Variants in GPHN observed in about 807,000 individuals in gnomAD.
The protein encoded by GPHN is gephyrin.
Under a neutral mutation model 95.5 loss-of-function variants are expected in GPHN, and 17 were observed. The ratio of observed to expected loss-of-function variants is 0.18; its 90% CI spans 0.12 to 0.27. GPHN has a LOEUF of 0.27. Ranked by LOEUF, GPHN falls within the 10% of genes least tolerant of loss-of-function variation. GPHN has a pLI of 1.00. For missense variants in GPHN, 660 were observed against 978.1 expected (o/e 0.67, Z 4.34); for synonymous variants, 320 against 322.5 (o/e 0.99, Z 0.08).
At chr14:66,868,103 TAAC>T (rs1461152784) in intron 4 of GPHN, among the ~76,000 whole-genome samples, 1 of 152,136 alleles carries the variant, frequency 6.6e-6, no homozygotes, top group African/African-American at 2.4e-5. Context: ...TTTGATAACT[TAAC>T]AAAGTTATTA....
chr14:66,978,302 A>G (rs937142154), intron 9 of GPHN, among the ~76,000 whole-genome samples: 4 of 152,174 alleles, frequency 2.6e-5, no homozygotes, highest in Admixed American at 2.0e-4. Flanking sequence ...TCCTTTCACA[A>G]GAGATTTTGC....
Position 66,797,021 on chromosome 14 carries a change from CTTTTTTT to C in GPHN, c.201+20515_201+20521del, listed in dbSNP as rs369681377. Among the ~76,000 whole-genome samples the C allele has an allele frequency of 4.3e-4, 35 of 81,216 alleles. 1 individual carries two copies. The highest frequency in any genetic ancestry group is 2.4e-3 in the Admixed American group (20 of 8,260). The allele number at this position is 81,216 out of a possible 152,430, so 53.3% of individuals were successfully genotyped here. A position where few individuals can be genotyped will look rare whatever the true frequency, so the allele number is the denominator to read the frequency against. ...ATGGTGAGACATAGGTATCTAGTTCCTTTTTTTTTTTTTTTTTTTTTGCATAATGGAT... is the reference window on the plus strand; with the variant it reads ...ATGGTGAGACATAGGTATCTAGTTCCTTTTTTTTTTTTTTGCATAATGGAT... On this transcript the variant is annotated intron_variant, in intron 3 of 22. Coordinates refer to ENST00000478722, the MANE Select transcript of GPHN (RefSeq NM_020806.5).
At chr14:67,706,856 G>C in the GPHN span, among the ~76,000 whole-genome samples, 1 of 152,110 alleles carries the variant, frequency 6.6e-6, no homozygotes, top group African/African-American at 2.4e-5. Context: ...GGTTAGGATG[G>C]TTCGTTCCTA....
intron 1 of GPHN, among the ~76,000 whole-genome samples, chr14:66,510,556 T>G (rs1242657294): frequency 6.6e-6 from 1 of 152,202 alleles, no homozygotes; most frequent in African/African-American, 2.4e-5. Flanking sequence ...GTAATTATTG[T>G]GCAAAACTTT....
At chr14:66,719,055 C>A (rs761372363) in intron 2 of GPHN, among the ~76,000 whole-genome samples, 1 of 152,192 alleles carries the variant, frequency 6.6e-6, no homozygotes, top group Non-Finnish European at 1.5e-5. Context: ...TCCCACCATG[C>A]CCCTGCTAGC....
the GPHN span, among the ~76,000 whole-genome samples, chr14:67,358,064 G>A: frequency 6.6e-6 from 1 of 151,834 alleles, no homozygotes; most frequent in Non-Finnish European, 1.5e-5. Context: ...TCTCCCCCTA[G>A]CTTTGAGCTT....
the GPHN span, chr14:67,572,400 G>A: frequency 4.4e-6 from 3 of 674,470 alleles, no homozygotes; most frequent in Non-Finnish European, 7.0e-6. Flanking sequence ...TGGGGGATGG[G>A]GGCAGGGGGC....
At chr14:66,647,241 A>G (rs1334118136) in intron 1 of GPHN, among the ~76,000 whole-genome samples, 1 of 150,860 alleles carries the variant, frequency 6.6e-6, no homozygotes, top group Non-Finnish European at 1.5e-5. Context: ...AATAAATTGT[A>G]TAGGTAGAAT....
chr14:66,775,738 A>G (rs2059357757), intron 2 of GPHN, among the ~76,000 whole-genome samples: 2 of 152,346 alleles, frequency 1.3e-5, no homozygotes, highest in East Asian at 3.9e-4. Flanking sequence ...CAGTTGGCAC[A>G]TGATCTTATA....
chr14:66,722,889 GTCCTGTTCTT>G (rs2070885669), intron 2 of GPHN, among the ~76,000 whole-genome samples: 3 of 152,068 alleles, frequency 2.0e-5, no homozygotes, highest in Non-Finnish European at 2.9e-5. Context: ...TTCAGTTTTT[GTCCTGTTCTT>G]TTTTCTCTTT....
At chr14:67,257,056 G>A in the GPHN span, among the ~76,000 whole-genome samples, 1 of 152,088 alleles carries the variant, frequency 6.6e-6, no homozygotes, top group Non-Finnish European at 1.5e-5. Flanking sequence ...ACATCAATAT[G>A]TACGTTGGTT....
At chr14:66,860,931 A>G (rs2062998152) in intron 4 of GPHN, among the ~76,000 whole-genome samples, 1 of 152,104 alleles carries the variant, frequency 6.6e-6, no homozygotes, top group Non-Finnish European at 1.5e-5. Flanking sequence ...CACCAGAGAA[A>G]ATCACTTCCA....
chr14:67,328,312 C>T, the GPHN span, among the ~76,000 whole-genome samples: 2 of 152,266 alleles, frequency 1.3e-5, no homozygotes, highest in Admixed American at 6.5e-5. Context: ...ATCCTTTGCC[C>T]ACTTTTTGAT....
the GPHN span, chr14:67,579,366 A>T: frequency 2.4e-4 from 325 of 1,359,158 alleles, 1 homozygote; most frequent in African/African-American, 4.6e-3. Context: ...CCATCCAGAG[A>T]ATACCCCTGG....
the GPHN span, chr14:67,542,070 A>T: frequency 1.5e-6 from 2 of 1,330,600 alleles, no homozygotes; most frequent in South Asian, 2.9e-5. Flanking sequence ...AGAGAGGGAG[A>T]GTTGCGGAAA....
At chr14:66,664,328 A>C (rs2065827188) in intron 1 of GPHN, among the ~76,000 whole-genome samples, 1 of 152,202 alleles carries the variant, frequency 6.6e-6, no homozygotes, top group South Asian at 2.1e-4. Context: ...AGTCTGAAGA[A>C]ATTCACTCAA....
At position 66,515,307 on chromosome 14, in the gene GPHN, A is replaced by G. The variant is rs74245900; in HGVS notation, c.64+6716A>G. ...AAAAATTGGGTGGTGTAAAATTTAT[A>G]TAGTACCTTAAGAAACATTTAGGTA... is the stretch of plus-strand genomic sequence containing the variant. On this transcript the variant is annotated intron_variant, in intron 1 of 22. Coordinates refer to ENST00000478722, the MANE Select transcript of GPHN (RefSeq NM_020806.5). 0.043 allele frequency among the ~76,000 whole-genome samples: 6,527 copies of G among 152,262 alleles called. 846 individuals are homozygous for G. In the East Asian group the frequency reaches 0.43, roughly 10 times the overall value.
At chr14:66,569,535 C>G (rs1408194667) in intron 1 of GPHN, among the ~76,000 whole-genome samples, 7 of 151,778 alleles carry the variant, frequency 4.6e-5, no homozygotes, top group Non-Finnish European at 1.0e-4. Flanking sequence ...TGGTGGGGGG[C>G]CCCTGTAATC....
chr14:66,972,267 C>CAAAAAAAAAAAAA (rs892888405), intron 9 of GPHN, among the ~76,000 whole-genome samples: 2 of 46,232 alleles, frequency 4.3e-5, no homozygotes, highest in African/African-American at 7.6e-5. Flanking sequence ...GAGTCTGTCT[C>CAAAAAAAAAAAAA]AAAAAAAAAA....
Sources: gnomAD v4.1 joint callset for allele counts (sites outside exome capture counted in the v4.1 genomes callset) on GRCh38, gnomAD v4.1.1 for gene constraint, MANE v1.5 for transcripts, NCBI Gene and HGNC (gene_info 2026-07-23, HGNC 2026-07-21) for gene names.